The following KRABD5 variants were observed in gnomAD, a reference collection of about 807,000 sequenced individuals.
The protein encoded by KRABD5 is KRAB domain-containing protein 5.
the KRABD5 span, chr16:31,757,806 A>T: frequency 6.6e-6 from 1 of 151,560 alleles, no homozygotes; most frequent in Non-Finnish European, 1.5e-5. Context: ...GGATGGATGG[A>T]TGGATGAATA....
the KRABD5 span, among the ~76,000 whole-genome samples, chr16:31,742,159 T>C: frequency 6.8e-6 from 1 of 146,524 alleles, no homozygotes; most frequent in Admixed American, 7.2e-5. Flanking sequence ...TGTGTCCTTT[T>C]TTAAAAAAAA....
chr16:31,727,946 C>G, the KRABD5 span, among the ~76,000 whole-genome samples: 230 of 152,286 alleles, frequency 1.5e-3, no homozygotes, highest in Non-Finnish European at 2.7e-3. Context: ...ACTGCAGCCT[C>G]AACCTCCCAG....
the KRABD5 span, chr16:31,755,169 C>T: frequency 3.1e-5 from 15 of 479,918 alleles, no homozygotes; most frequent in East Asian, 3.9e-4. Flanking sequence ...AACTGTAGGT[C>T]GTACCTAACT....
chr16:31,748,354 CTGTT>C, the KRABD5 span, among the ~76,000 whole-genome samples: 1 of 152,190 alleles, frequency 6.6e-6, no homozygotes, highest in African/African-American at 2.4e-5. Flanking sequence ...GTCTATATCT[CTGTT>C]TGGTACCAGA....
At chr16:31,713,571 C>T in the KRABD5 span, 34 of 1,292,920 alleles carry the variant, frequency 2.6e-5, no homozygotes, top group Non-Finnish European at 3.5e-5. Flanking sequence ...TCCCCTCCGC[C>T]GCAAGATGGC....
chr16:31,725,977 T>C, the KRABD5 span, among the ~76,000 whole-genome samples: 1 of 152,228 alleles, frequency 6.6e-6, no homozygotes, highest in Non-Finnish European at 1.5e-5. Flanking sequence ...TAGTTTGATG[T>C]AGTCCCGCTT....
At chr16:31,754,081 C>T in the KRABD5 span, 2 of 766,952 alleles carry the variant, frequency 2.6e-6, no homozygotes, top group Non-Finnish European at 4.5e-6. Flanking sequence ...TTGAAACTTA[C>T]CTTTTCTTTT....
the KRABD5 span, among the ~76,000 whole-genome samples, chr16:31,745,788 G>C: frequency 1.3e-5 from 2 of 152,166 alleles, no homozygotes; most frequent in African/African-American, 4.8e-5. Context: ...CTTGTTTTAT[G>C]AATATGGGTG....
the KRABD5 span, among the ~76,000 whole-genome samples, chr16:31,724,585 T>C: frequency 2.6e-5 from 4 of 151,496 alleles, no homozygotes; most frequent in Admixed American, 1.3e-4. Context: ...CCAGCTACTC[T>C]GGAGTCTGAG....
the KRABD5 span, among the ~76,000 whole-genome samples, chr16:31,740,006 A>T: frequency 6.6e-6 from 1 of 152,140 alleles, no homozygotes; most frequent in Non-Finnish European, 1.5e-5. Flanking sequence ...TGTTTCCTGT[A>T]AGGAATACTT....
the KRABD5 span, among the ~76,000 whole-genome samples, chr16:31,732,048 A>G: frequency 6.6e-6 from 1 of 152,174 alleles, no homozygotes; most frequent in Non-Finnish European, 1.5e-5. Flanking sequence ...TTCTTGGAAG[A>G]TTTTTTGAGT....
the KRABD5 span, among the ~76,000 whole-genome samples, chr16:31,747,798 G>A: frequency 1.3e-5 from 2 of 152,338 alleles, no homozygotes; most frequent in African/African-American, 2.4e-5. Flanking sequence ...CTTTTGAGAA[G>A]TGTCTGTTCA....
the KRABD5 span, chr16:31,759,396 C>G: frequency 6.5e-7 from 1 of 1,537,912 alleles, no homozygotes; most frequent in African/African-American, 1.4e-5. Context: ...ACAAGATAAT[C>G]TCTGCTTGAG....
At chr16:31,732,171 T>C in the KRABD5 span, among the ~76,000 whole-genome samples, 1 of 152,250 alleles carries the variant, frequency 6.6e-6, no homozygotes, top group Non-Finnish European at 1.5e-5. Context: ...TAAGGACTTG[T>C]CCTCAAATTG....
the KRABD5 span, among the ~76,000 whole-genome samples, chr16:31,716,606 C>T: frequency 6.6e-6 from 1 of 152,122 alleles, no homozygotes; most frequent in Admixed American, 6.5e-5. Flanking sequence ...TCACGAACTC[C>T]TGGGCTCAAG....
the KRABD5 span, chr16:31,757,192 T>G: frequency 6.6e-6 from 1 of 152,162 alleles, no homozygotes; most frequent in African/African-American, 2.4e-5. Flanking sequence ...GCTGTCCAGG[T>G]GTGGTGGCTC....
the KRABD5 span, among the ~76,000 whole-genome samples, chr16:31,735,759 T>C: frequency 6.6e-6 from 1 of 152,174 alleles, no homozygotes; most frequent in Non-Finnish European, 1.5e-5. Context: ...CATTTTTAAA[T>C]TGGATTGTAT....
the KRABD5 span, among the ~76,000 whole-genome samples, chr16:31,751,983 T>C: frequency 4.6e-5 from 7 of 152,212 alleles, no homozygotes; most frequent in Non-Finnish European, 8.8e-5. Flanking sequence ...CAAAGAACTT[T>C]TAAATTTCTG....
the KRABD5 span, chr16:31,761,267 C>G: frequency 1.3e-5 from 2 of 152,146 alleles, no homozygotes; most frequent in Non-Finnish European, 2.9e-5. Flanking sequence ...GCCTTATTTG[C>G]TGTGGCCAAT....
Sources: allele counts gnomAD v4.1 joint callset (sites outside exome capture counted in the v4.1 genomes callset), GRCh38; gene constraint gnomAD v4.1.1; transcripts MANE v1.5; gene names NCBI Gene and HGNC (gene_info 2026-07-23, HGNC 2026-07-21).